Variants in COL25A1 observed in about 807,000 individuals in gnomAD.
COL25A1 encodes the protein collagen type XXV alpha 1 chain.
A neutral mutation model predicts 128.4 loss-of-function variants in COL25A1; 103 were observed. The ratio of observed to expected loss-of-function variants is 0.80; its 90% CI spans 0.68 to 0.94. The LOEUF is 0.94. COL25A1 is among the 40% of genes least tolerant of loss of function. The pLI is 0.00. For synonymous variants in COL25A1, 279 were observed against 277.2 expected, an observed-to-expected ratio of 1.01 and a Z score of -0.06; for missense variants, 745 against 840.0, an observed-to-expected ratio of 0.89 and a Z score of 1.40.
chr4:108,889,665 C>A (rs755355341), intron 17 of COL25A1, 36 bp downstream of exon 17: 5 of 1,601,500 alleles, frequency 3.1e-6, no homozygotes, highest in Non-Finnish European at 4.3e-6. Flanking sequence ...AGAACTGTAA[C>A]TCCTGGAGTA....
chr4:109,090,732 G>T (rs1288461876), intron 3 of COL25A1, among the ~76,000 whole-genome samples: 1 of 152,168 alleles, frequency 6.6e-6, no homozygotes, highest in Non-Finnish European at 1.5e-5. Context: ...CCATTTGAAA[G>T]TTTATTTTCT....
At chr4:109,093,456 TG>T (rs1765104962) in intron 3 of COL25A1, among the ~76,000 whole-genome samples, 1 of 77,400 alleles carries the variant, frequency 1.3e-5, no homozygotes, top group Non-Finnish European at 2.2e-5. Context: ...TCCATCTCTA[TG>T]AAAAAAAAAA....
At chr4:108,966,926 A>AGGAAGAAAGAAAAGAGAG (rs56937338) in intron 8 of COL25A1, among the ~76,000 whole-genome samples, 1 of 150,668 alleles carries the variant, frequency 6.6e-6, no homozygotes, top group Non-Finnish European at 1.5e-5. Flanking sequence ...AAGAGAGAAA[A>AGGAAGAAAGAAAAGAGAG]AGAGAGAAAG....
chr4:108,909,836 C>T (rs1454369479), intron 13 of COL25A1, among the ~76,000 whole-genome samples: 2 of 152,194 alleles, frequency 1.3e-5, no homozygotes, highest in Non-Finnish European at 2.9e-5. Flanking sequence ...CCTCCTTTCT[C>T]TTCCCATCCT....
chr4:108,999,209 C>CCATCTGACAAAGGGCTAA (rs1579035058), intron 6 of COL25A1, among the ~76,000 whole-genome samples: 2 of 150,138 alleles, frequency 1.3e-5, no homozygotes, highest in East Asian at 2.0e-4. Context: ...TCTTTGCAAT[C>CCATCTGACAAAGGGCTAA]TATCCATCTG....
chr4:109,274,895 T>C (rs1054064499), intron 3 of COL25A1, among the ~76,000 whole-genome samples: 2 of 152,204 alleles, frequency 1.3e-5, no homozygotes, highest in Middle Eastern at 3.2e-3. Context: ...AAATTTTCAG[T>C]GTGTGTCGGC....
chr4:109,100,444 C>A (rs1010058775), intron 3 of COL25A1, among the ~76,000 whole-genome samples: 1 of 149,466 alleles, frequency 6.7e-6, no homozygotes, highest in African/African-American at 2.5e-5. Flanking sequence ...TGGAAACATA[C>A]ACCCATGAGT....
intron 11 of COL25A1, among the ~76,000 whole-genome samples, chr4:108,932,291 T>C (rs1578805766): frequency 6.6e-6 from 1 of 152,214 alleles, no homozygotes; most frequent in Non-Finnish European, 1.5e-5. Context: ...ACAGAAACAT[T>C]TTCATGCTTA....
intron 5 of COL25A1, among the ~76,000 whole-genome samples, chr4:109,032,603 CAG>C (rs1206731396): frequency 2.0e-5 from 3 of 152,176 alleles, no homozygotes; most frequent in Non-Finnish European, 4.4e-5. Context: ...TTTATTTTAA[CAG>C]ATAACATTAT....
chr4:109,123,522 T>C (rs182251840), intron 3 of COL25A1, among the ~76,000 whole-genome samples: 248 of 152,052 alleles, frequency 1.6e-3, no homozygotes, highest in African/African-American at 5.8e-3. Context: ...CTGGCAAAAA[T>C]AGAGTTTAGG....
intron 6 of COL25A1, among the ~76,000 whole-genome samples, chr4:108,993,079 G>C (rs1754382648): frequency 6.6e-6 from 1 of 152,132 alleles, no homozygotes; most frequent in Non-Finnish European, 1.5e-5. Flanking sequence ...CAAGAATACA[G>C]TATATTGTTA....
intron 5 of COL25A1, among the ~76,000 whole-genome samples, chr4:109,038,879 A>G (rs1417205065): frequency 6.6e-6 from 1 of 152,106 alleles, no homozygotes; most frequent in Non-Finnish European, 1.5e-5. Context: ...CAGCAAGCTT[A>G]TAGTTCTTCC....
chr4:108,904,479 A>C (rs1279421353), intron 13 of COL25A1, among the ~76,000 whole-genome samples: 1 of 152,184 alleles, frequency 6.6e-6, no homozygotes, highest in African/African-American at 2.4e-5. Context: ...TATTGTATTA[A>C]TGTATTTTAA....
intron 6 of COL25A1, among the ~76,000 whole-genome samples, chr4:108,996,265 G>A (rs1754756338): frequency 7.8e-6 from 1 of 128,690 alleles, no homozygotes; most frequent in African/African-American, 2.9e-5. Context: ...TAAAGGGATG[G>A]AGGAAGATCT....
intron 3 of COL25A1, among the ~76,000 whole-genome samples, chr4:109,061,748 T>A (rs1457049833): frequency 1.5e-4 from 23 of 152,220 alleles, no homozygotes; most frequent in Admixed American, 1.5e-3. Flanking sequence ...ATAAACACAG[T>A]TATTTCCTTA....
intron 6 of COL25A1, among the ~76,000 whole-genome samples, chr4:109,001,427 A>AGATCCTGTCAGGTAGGCAGTGG: frequency 1.0e-4 from 1 of 9,780 alleles, no homozygotes; most frequent in Non-Finnish European, 5.9e-4. Context: ...GTAGGCAGTG[A>AGATCCTGTCAGGTAGGCAGTGG]GCTAGAGGGT....
At chr4:108,832,973 T>TAATAAATA (rs67907672) in intron 31 of COL25A1, among the ~76,000 whole-genome samples, 166 of 106,158 alleles carry the variant, frequency 1.6e-3, no homozygotes, top group Middle Eastern at 6.0e-3. Context: ...TCTCAAAAAA[T>TAATAAATA]AATAAATAAA....
At chr4:108,839,719 A>G (rs894927185) in intron 31 of COL25A1, among the ~76,000 whole-genome samples, 8 of 151,602 alleles carry the variant, frequency 5.3e-5, no homozygotes, top group African/African-American at 1.9e-4. Flanking sequence ...GGGAACTTGC[A>G]TAGATATCTA....
intron 20 of COL25A1, among the ~76,000 whole-genome samples, chr4:108,867,070 G>A (rs1357924023): frequency 6.6e-6 from 1 of 152,060 alleles, no homozygotes; most frequent in African/African-American, 2.4e-5. Flanking sequence ...TAATTAATGT[G>A]GATTTTATGC....
Sources: gnomAD v4.1 joint callset for allele counts (sites outside exome capture counted in the v4.1 genomes callset) on GRCh38, gnomAD v4.1.1 for gene constraint, MANE v1.5 for transcripts, NCBI Gene and HGNC (gene_info 2026-07-23, HGNC 2026-07-21) for gene names.